Variants in APBB2 observed in about 807,000 individuals in gnomAD.
APBB2 encodes amyloid beta precursor protein binding family B member 2, also known as Fe65-like 1.
A neutral mutation model predicts 82.5 loss-of-function variants in APBB2; 38 were observed. The observed-to-expected ratio is 0.46, with a 90% CI of 0.36 to 0.60. The LOEUF (loss-of-function observed/expected upper bound fraction) is 0.60, where lower values mean the gene tolerates loss of function less well. Ranked by LOEUF, APBB2 falls within the 20% of genes least tolerant of loss-of-function variation. The pLI, the probability that APBB2 is intolerant of heterozygous loss-of-function variation, is 0.00. For missense variants in APBB2, 772 were observed against 972.3 expected (o/e 0.79, Z 2.74); for synonymous variants, 341 against 368.2 (o/e 0.93, Z 0.85).
At chr4:41,173,800 T>A (rs1044076124) in intron 1 of APBB2, among the ~76,000 whole-genome samples, 3 of 152,118 alleles carry the variant, frequency 2.0e-5, no homozygotes, top group African/African-American at 7.2e-5. Context: ...CTTGTGTAAG[T>A]ACACTCTACA....
chr4:40,890,185 G>A (rs975653908), intron 12 of APBB2, 179 bp downstream of exon 12: 1 of 732,676 alleles, frequency 1.4e-6, no homozygotes, highest in East Asian at 3.1e-5. Context: ...ACCAGGAAGG[G>A]AAGCAGTTTG....
At chr4:40,999,136 G>A (rs1456159109) in intron 6 of APBB2, among the ~76,000 whole-genome samples, 1 of 152,068 alleles carries the variant, frequency 6.6e-6, no homozygotes. Flanking sequence ...AATGTCTCAG[G>A]AGCCAGGTAT....
chr4:41,059,899 C>G (rs775840732), intron 4 of APBB2, among the ~76,000 whole-genome samples: 1 of 151,714 alleles, frequency 6.6e-6, no homozygotes, highest in Non-Finnish European at 1.5e-5. Flanking sequence ...AGCTGGTCTC[C>G]GCACCGGGAG....
At chr4:41,165,406 G>A (rs374365105) in intron 1 of APBB2, among the ~76,000 whole-genome samples, 2 of 152,102 alleles carry the variant, frequency 1.3e-5, no homozygotes, top group African/African-American at 4.8e-5. Context: ...CCTCACCCAG[G>A]GGCCACCATG....
intron 12 of APBB2, among the ~76,000 whole-genome samples, chr4:40,888,400 G>A (rs1770937881): frequency 6.6e-6 from 1 of 152,172 alleles, no homozygotes; most frequent in Non-Finnish European, 1.5e-5. Flanking sequence ...CTGACCTTAG[G>A]AAAACCCAAG....
chr4:41,060,828 G>A (rs1442307298), intron 4 of APBB2, among the ~76,000 whole-genome samples: 1 of 152,166 alleles, frequency 6.6e-6, no homozygotes, highest in East Asian at 1.9e-4. Context: ...GCAAAGGCAC[G>A]TGACCCAAAG....
Position 40,850,390 on chromosome 4 carries a change from C to G in APBB2, c.1530-19813G>C, listed in dbSNP as rs1262902924. On this transcript the variant is annotated intron_variant, in intron 12 of 17. Coordinates refer to ENST00000508593, the MANE Select transcript of APBB2 (RefSeq NM_004307.2). ...AAGAGGCTCAAGTGTAGAAATACCC[C>G]AAAGACCCTGACCTTCTGCAGGAAT... Among the ~76,000 whole-genome samples, 3 of 152,198 alleles carry G rather than the reference C, an allele frequency of 2.0e-5. No homozygotes were observed. In the East Asian group the frequency reaches 5.8e-4, roughly 29 times the overall value.
chr4:40,950,838 G>A (rs997261965), intron 6 of APBB2, among the ~76,000 whole-genome samples: 14 of 150,128 alleles, frequency 9.3e-5, no homozygotes, highest in Middle Eastern at 3.4e-3. Flanking sequence ...GCAAGACTCC[G>A]TCTCAAAAAA....
intron 6 of APBB2, among the ~76,000 whole-genome samples, chr4:40,992,577 A>G (rs898823572): frequency 6.6e-6 from 1 of 152,176 alleles, no homozygotes; most frequent in Non-Finnish European, 1.5e-5. Flanking sequence ...TGGACACCTC[A>G]TTAATATGTA....
rs1185890035 is a variant in APBB2, at chr4:40,826,878, G to A, written c.1732+254C>T. 1 of 387,698 alleles carries A rather than the reference G, an allele frequency of 2.6e-6. No individual in the cohort carries two copies. The highest frequency in any genetic ancestry group is 2.1e-5 in the African/African-American group (1 of 47,920). 24.0% of individuals were successfully genotyped at this position (387,698 alleles called of 1,614,324 possible). A position where few individuals can be genotyped will look rare whatever the true frequency, so the allele number is the denominator to read the frequency against. ...AAATACAAAACAAAATGAAAACGAA[G>A]GCAAAAACTAAAGACAATATTCTTT... is the stretch of plus-strand genomic sequence containing the variant. On this transcript the variant is annotated intron_variant, in intron 14 of 17. Coordinates refer to ENST00000508593, the MANE Select transcript of APBB2 (RefSeq NM_004307.2). This position sits in a 1 kb window ranked among gnomAD's most constrained non-coding sequence, Gnocchi z 4.5.
intron 6 of APBB2, among the ~76,000 whole-genome samples, chr4:40,988,130 C>A (rs1800911198): frequency 1.3e-5 from 2 of 152,064 alleles, no homozygotes; most frequent in Non-Finnish European, 2.9e-5. Flanking sequence ...GTGACTATGC[C>A]CCAAGGATAA....
At chr4:41,020,930 C>T (rs549232920) in intron 5 of APBB2, among the ~76,000 whole-genome samples, 4 of 152,230 alleles carry the variant, frequency 2.6e-5, no homozygotes, top group Non-Finnish European at 5.9e-5. Context: ...TAAGAGATGC[C>T]GCCCAGCGTT....
At chr4:41,072,148 A>C (rs1734118916) in intron 3 of APBB2, among the ~76,000 whole-genome samples, 1 of 152,224 alleles carries the variant, frequency 6.6e-6, no homozygotes, top group South Asian at 2.1e-4. Context: ...GCCAGGTCTG[A>C]AGTCAAGAGC....
intron 1 of APBB2, among the ~76,000 whole-genome samples, chr4:41,158,122 C>T (rs1400209154): frequency 2.0e-5 from 3 of 152,112 alleles, no homozygotes; most frequent in Non-Finnish European, 4.4e-5. Flanking sequence ...AGCCAGACTG[C>T]CTGGGTTCAA....
chr4:41,110,106 T>C (rs1748655734), intron 2 of APBB2, among the ~76,000 whole-genome samples: 1 of 152,090 alleles, frequency 6.6e-6, no homozygotes, highest in East Asian at 1.9e-4. Context: ...TTCTTTCTAA[T>C]TTACAGCCCC....
chr4:41,192,083 T>A (rs1774595155), intron 1 of APBB2, among the ~76,000 whole-genome samples: 1 of 152,308 alleles, frequency 6.6e-6, no homozygotes, highest in African/African-American at 2.4e-5. Context: ...AAAAGCACTA[T>A]GAGGTACCAC....
chr4:40,858,572 T>C (rs1026882583), intron 12 of APBB2, among the ~76,000 whole-genome samples: 15 of 149,304 alleles, frequency 1.0e-4, no homozygotes, highest in Middle Eastern at 6.5e-3. Flanking sequence ...AAATAGGAAA[T>C]ACACATGGAA....
rs1438194646 is a variant in APBB2, at chr4:40,826,569, A to C, written c.1732+563T>G. ...TTGCACAGGCTGGTCTTGAACTCCT[A>C]AGCTCAGGCAATCCACCCGCCTCAG... On this transcript the variant is annotated intron_variant, in intron 14 of 17. Transcript: ENST00000508593. This position sits in a 1 kb window ranked among gnomAD's most constrained non-coding sequence, Gnocchi z 4.5. 1.9e-5 allele frequency: 3 copies of C among 156,974 alleles called. No individual in the cohort carries two copies. The East Asian group carries it at 5.7e-4, about 30-fold the overall frequency. The allele number at this position is 156,974 out of a possible 1,614,324, so 9.7% of individuals were successfully genotyped here.
chr4:40,826,073 C>CATT lies in APBB2; in HGVS notation c.1733-104_1733-103insAAT. The CATT allele has an allele frequency of 1.2e-6, 1 of 823,694 alleles. No homozygotes were observed. 51.0% of individuals were successfully genotyped at this position (823,694 alleles called of 1,614,324 possible). On this transcript the variant is annotated intron_variant, in intron 14 of 17. Transcript: ENST00000508593. This position sits in a 1 kb window ranked among gnomAD's most constrained non-coding sequence, Gnocchi z 4.5. ...CTGAATGCTCAGGACACGCCCTGTG[C>CATT]CATAACGCCCTATGTTTCTGGATGT...
Sources: allele counts gnomAD v4.1 joint callset (sites outside exome capture counted in the v4.1 genomes callset), GRCh38; gene constraint gnomAD v4.1.1; non-coding constraint Gnocchi (gnomAD v3.1); transcripts MANE v1.5; gene names NCBI Gene and HGNC (gene_info 2026-07-23, HGNC 2026-07-21).